Variants in RFWD3 observed in about 807,000 individuals in gnomAD.
RFWD3 encodes ring finger and WD repeat domain 3.
RFWD3 carries 65 observed loss-of-function variants against 87.7 expected under a neutral mutation model. That is an observed-to-expected ratio of 0.74 (90% CI 0.61 to 0.91). The LOEUF (loss-of-function observed/expected upper bound fraction) is 0.91, where lower values mean the gene tolerates loss of function less well. Among genes scored for constraint, RFWD3 ranks in the 40% least tolerant of loss-of-function variants. The pLI is 0.00. For missense variants in RFWD3, 1,078 were observed against 938.5 expected, an observed-to-expected ratio of 1.15 and a Z score of -1.94; for synonymous variants, 433 against 352.8, an observed-to-expected ratio of 1.23 and a Z score of -2.55.
chr16:74,652,246 G>T, intron 2 of RFWD3, 124 bp from the exon 3 acceptor site: 1 of 826,972 alleles, frequency 1.2e-6, no homozygotes, highest in Non-Finnish European at 1.9e-6. Context: ...TGCTGCCTTT[G>T]AAAGCTGAAG....
intron 3 of RFWD3, among the ~76,000 whole-genome samples, chr16:74,650,402 T>C (rs1960473931): frequency 6.6e-6 from 1 of 151,498 alleles, no homozygotes; most frequent in Non-Finnish European, 1.5e-5. Flanking sequence ...TGTGTGTGTA[T>C]ACAGTACTTC....
chr16:74,663,350 G>A (rs1025108641), intron 1 of RFWD3, among the ~76,000 whole-genome samples: 1 of 152,138 alleles, frequency 6.6e-6, no homozygotes, highest in African/African-American at 2.4e-5. Context: ...TTATAAAGTA[G>A]GAGGAAACAT....
chr16:74,645,139 G>C (rs925293006), intron 4 of RFWD3, among the ~76,000 whole-genome samples: 5 of 152,318 alleles, frequency 3.3e-5, no homozygotes, highest in South Asian at 2.1e-4. Context: ...GCAAATTAAA[G>C]AGACCATTTT....
chr16:74,649,166 G>GT lies in RFWD3; in HGVS notation c.757dup (p.Thr253AsnfsTer19). 6.4e-7 allele frequency: 1 copy of GT among 1,570,564 alleles called. No homozygotes were observed. Among genetic ancestry groups the GT allele is most frequent in the Non-Finnish European group, 8.6e-7 (1 of 1,166,138 alleles). ...GAGGGTCTTGCCTCCATCGATACATGTAACTTCTTGCTCTGCTGAGACACC... is the reference window on the plus strand; with the variant it reads ...GAGGGTCTTGCCTCCATCGATACATGTTAACTTCTTGCTCTGCTGAGACACC... On this transcript the variant is annotated frameshift_variant, in exon 4 of 13. Coordinates refer to ENST00000361070, the MANE Select transcript of RFWD3 (RefSeq NM_018124.4). LOFTEE classifies it high-confidence loss of function.
chr16:74,666,081 A>C (rs1446768167), intron 1 of RFWD3, among the ~76,000 whole-genome samples: 1 of 151,910 alleles, frequency 6.6e-6, no homozygotes, highest in Non-Finnish European at 1.5e-5. Context: ...GAGGAGGGAG[A>C]GGGAGACGGG....
At chr16:74,640,922 G>C (rs1309000260) in intron 6 of RFWD3, among the ~76,000 whole-genome samples, 1 of 152,136 alleles carries the variant, frequency 6.6e-6, no homozygotes, top group Non-Finnish European at 1.5e-5. Flanking sequence ...CTGGGCGACA[G>C]AGCGAGACTC....
At chr16:74,661,497 C>T in intron 1 of RFWD3, 46 bp from the exon 2 acceptor site, 2 of 1,450,328 alleles carry the variant, frequency 1.4e-6, no homozygotes, top group South Asian at 2.6e-5. Flanking sequence ...ATAGATAAAA[C>T]ATGCTATGTA....
At position 74,652,003 on chromosome 16, in the gene RFWD3, C is replaced by G; in HGVS notation, c.638G>C (p.Ser213Thr). 6.2e-7 allele frequency: 1 copy of G among 1,614,110 alleles called. No homozygotes were observed. Among genetic ancestry groups the G allele is most frequent in the Non-Finnish European group, 8.5e-7 (1 of 1,180,004 alleles). Reference sequence around the variant, plus strand: ...AGAGCTGTCACTGTCAGAATCAGAACTACTAGACACCTGCAACTCTTCAGA... The same window carrying G: ...AGAGCTGTCACTGTCAGAATCAGAAGTACTAGACACCTGCAACTCTTCAGA... ...PVSEELQVSS[S>T]SDSDSDSSAE... The change falls in exon 3 of 13, where the codon AGT becomes ACT. Residue 213 changes from serine to threonine, a missense_variant. Coordinates refer to ENST00000361070, the MANE Select transcript of RFWD3 (RefSeq NM_018124.4).
rs748658412 is a variant in RFWD3 at position 74,649,120 on chromosome 16, T to C, written c.792+12A>G. 6.5e-7 allele frequency: 1 copy of C among 1,538,722 alleles called. No homozygotes were observed. The highest frequency in any genetic ancestry group is 1.2e-5 in the South Asian group (1 of 84,106). On this transcript the variant is annotated intron_variant, in intron 4 of 12. Transcript: ENST00000361070. Reference sequence around the variant, plus strand: ...AAATAAATAGATTTTTTTAAAATGATGTTCATATTACCTGTTTGGGGAGGG... The same window carrying C: ...AAATAAATAGATTTTTTTAAAATGACGTTCATATTACCTGTTTGGGGAGGG...
chr16:74,658,005 G>C (rs1224589849), intron 2 of RFWD3, among the ~76,000 whole-genome samples: 2 of 152,102 alleles, frequency 1.3e-5, no homozygotes, highest in Non-Finnish European at 2.9e-5. Context: ...CTTTAATATT[G>C]CTTTTATGTA....
In RFWD3 at chr16:74,660,916, CCATAT is replaced by C. The variant is rs767166123; in HGVS notation, c.518+11_518+15del. On this transcript the variant is annotated intron_variant, in intron 2 of 12. Transcript: ENST00000361070. ...AGTACAGCAATGATCACAGACTTAT[CCATAT>C]ATTTATTTACCTGGCACTGTCTGTC... 6.2e-7 allele frequency: 1 copy of C among 1,602,106 alleles called. No individual in the cohort carries two copies. The highest frequency in any genetic ancestry group is 1.1e-5 in the South Asian group (1 of 89,828).
intron 11 of RFWD3, among the ~76,000 whole-genome samples, chr16:74,628,125 C>T (rs558303118): frequency 7.2e-5 from 11 of 152,266 alleles, no homozygotes; most frequent in Admixed American, 3.9e-4. Flanking sequence ...GCAGAAGATA[C>T]GAAAGTGATC....
At position 74,628,567 on chromosome 16, in the gene RFWD3, C is replaced by G; in HGVS notation, c.1854G>C (p.Trp618Cys). ...AATGAGAAAAGTCCATTTTCTGTTC[C>G]CAGAATGAAGCATCCTCCAAGGTTC... ...LAGTLEDASF[W>C]EQKMDFSHWP... is the part of the protein sequence containing the mutation. Residue 618 changes from tryptophan to cysteine, a missense_variant, in exon 11 of 13, where the codon TGG becomes TGC. Transcript: ENST00000361070. 1 of 1,614,160 alleles carries G rather than the reference C, an allele frequency of 6.2e-7. No homozygotes were observed. The highest frequency in any genetic ancestry group is 8.5e-7 in the Non-Finnish European group (1 of 1,180,046).
intron 8 of RFWD3, among the ~76,000 whole-genome samples, chr16:74,635,732 G>T (rs1362403546): frequency 2.0e-5 from 3 of 152,206 alleles, no homozygotes; most frequent in Non-Finnish European, 2.9e-5. Context: ...AAGCAAAGGG[G>T]TCTTGCAGTT....
In RFWD3 at chr16:74,637,887, T is replaced by A; in HGVS notation, c.1163A>T (p.Asp388Val). 6.2e-7 allele frequency: 1 copy of A among 1,612,826 alleles called. No individual in the cohort carries two copies. Among genetic ancestry groups the A allele is most frequent in the African/African-American group, 1.3e-5 (1 of 74,994 alleles). Residue 388 changes from aspartate (D) to valine (V), a missense_variant, in exon 7 of 13, where the codon GAT (aspartate) becomes GTT (valine). Transcript: ENST00000361070. ...QCRLQLQVLT[D>V]KCTRLQRRVQ... is the part of the protein sequence containing the mutation. ...ACGCCTTTGAAGCCTAGTGCACTTATCAGTGAGGACCTGCAGTTGGAGTCG... is the reference window on the plus strand; with the variant it reads ...ACGCCTTTGAAGCCTAGTGCACTTAACAGTGAGGACCTGCAGTTGGAGTCG...
At chr16:74,639,035 ACTT>A (rs1425273266) in intron 6 of RFWD3, among the ~76,000 whole-genome samples, 1 of 126,304 alleles carries the variant, frequency 7.9e-6, no homozygotes, top group Non-Finnish European at 1.6e-5. Context: ...TTGAGCTAAG[ACTT>A]TTTTTTTTTT....
Position 74,661,112 on chromosome 16 carries a change from G to A in RFWD3, c.338C>T (p.Pro113Leu), listed in dbSNP as rs1673600278. 2.5e-6 allele frequency: 4 copies of A among 1,614,164 alleles called. No homozygotes were observed. Among genetic ancestry groups the A allele is most frequent in the South Asian group, 2.2e-5 (2 of 91,082 alleles). ...RQGSDGNHTI[P>L]ASSLHSMTNF... The stretch of plus-strand genomic sequence containing the variant: ...GGTCATTGAATGCAACGAAGATGCT[G>A]GGATGGTGTGATTACCATCAGATCC... Residue 113 changes from proline (P) to leucine (L), a missense_variant, in exon 2 of 13, where the codon CCA (proline) becomes CTA (leucine). Coordinates refer to ENST00000361070, the MANE Select transcript of RFWD3 (RefSeq NM_018124.4).
At chr16:74,658,364 A>C (rs1262263536) in intron 2 of RFWD3, among the ~76,000 whole-genome samples, 1 of 152,220 alleles carries the variant, frequency 6.6e-6, no homozygotes, top group Non-Finnish European at 1.5e-5. Context: ...TTGTGACCTC[A>C]GCTAAGCCTG....
intron 8 of RFWD3, among the ~76,000 whole-genome samples, chr16:74,633,166 A>C (rs753447458): frequency 4.6e-5 from 7 of 151,748 alleles, no homozygotes; most frequent in African/African-American, 7.3e-5. Flanking sequence ...AATCCCAGCT[A>C]TTCAGGAGGC....
Sources: gnomAD v4.1 joint callset for allele counts (sites outside exome capture counted in the v4.1 genomes callset) on GRCh38, gnomAD v4.1.1 for gene constraint, MANE v1.5 for transcripts, NCBI Gene and HGNC (gene_info 2026-07-23, HGNC 2026-07-21) for gene names.